Variants in SNAP91 observed in about 807,000 individuals in gnomAD.
SNAP91 encodes the protein synaptosome associated protein 91.
Under a neutral mutation model 100.3 loss-of-function variants are expected in SNAP91, and 27 were observed. The ratio of observed to expected loss-of-function variants is 0.27; its 90% CI spans 0.20 to 0.37. The LOEUF (loss-of-function observed/expected upper bound fraction) is 0.37. Ranked by LOEUF, SNAP91 falls within the 10% of genes least tolerant of loss-of-function variation. The pLI, the probability that SNAP91 is intolerant of heterozygous loss-of-function variation, is 1.00. For synonymous variants in SNAP91, 404 were observed against 398.6 expected (o/e 1.01, Z -0.16); for missense variants, 986 against 1,123.7 (o/e 0.88, Z 1.75).
In SNAP91 at chr6:83,676,110, C is replaced by CA. The variant is rs34754235; in HGVS notation, c.131-10530dup. On this transcript the variant is annotated intron_variant, in intron 2 of 29. Transcript: ENST00000369694. Reference sequence around the variant, plus strand: ...TGGGCAACAGAGCAAGACCCTATCTCAAAAAAAAAAAAAAAGAATGTGACA... The same window carrying CA: ...TGGGCAACAGAGCAAGACCCTATCTCAAAAAAAAAAAAAAAAGAATGTGACA... Among the ~76,000 whole-genome samples, 918 of 134,074 alleles carry CA rather than the reference C, an allele frequency of 6.8e-3. 10 individuals are homozygous for CA. The highest frequency in any genetic ancestry group is 0.018 in the African/African-American group (674 of 37,050). 88.0% of individuals were successfully genotyped at this position (134,074 alleles called of 152,430 possible).
intron 2 of SNAP91, among the ~76,000 whole-genome samples, chr6:83,688,317 TACTGTTTG>T (rs1587646600): frequency 6.6e-6 from 1 of 152,318 alleles, no homozygotes; most frequent in East Asian, 1.9e-4. Context: ...AATGGAACTC[TACTGTTTG>T]AAACTCTGCA....
chr6:83,627,782 C>A (rs904544443), intron 8 of SNAP91, among the ~76,000 whole-genome samples: 5 of 151,752 alleles, frequency 3.3e-5, no homozygotes, highest in Admixed American at 3.3e-4. Flanking sequence ...TCTTGTTTAT[C>A]CTTTCGAAGA....
chr6:83,647,314 T>C (rs2097971468), intron 7 of SNAP91, among the ~76,000 whole-genome samples: 1 of 152,182 alleles, frequency 6.6e-6, no homozygotes, highest in Admixed American at 6.5e-5. Context: ...TTAAATATGA[T>C]GTTAGCTATT....
At chr6:83,622,056 T>G (rs2128405568) in intron 9 of SNAP91, among the ~76,000 whole-genome samples, 1 of 152,246 alleles carries the variant, frequency 6.6e-6, no homozygotes, top group Admixed American at 6.5e-5. Context: ...TTAGTGGCAC[T>G]TTATGCACAC....
Position 83,576,057 on chromosome 6 carries a change from T to G in SNAP91, c.2300-4A>C, listed in dbSNP as rs1818183195. The stretch of plus-strand genomic sequence containing the variant: ...GTGGTACCAGAAATTCCAAGATCTA[T>G]AAATGGATAAAAGAAAAAAGAATGT... On this transcript the variant is annotated splice_region_variant and splice_polypyrimidine_tract_variant and intron_variant, in intron 24 of 29. Coordinates refer to ENST00000369694, the MANE Select transcript of SNAP91 (RefSeq NM_001242792.2). 1 of 1,343,044 alleles carries G rather than the reference T, an allele frequency of 7.4e-7. No homozygotes were observed. The highest frequency in any genetic ancestry group is 1.3e-5 in the South Asian group (1 of 74,252). 83.2% of individuals were successfully genotyped at this position (1,343,044 alleles called of 1,614,324 possible). A position where few individuals can be genotyped will look rare whatever the true frequency, so the allele number is the denominator to read the frequency against.
intron 9 of SNAP91, among the ~76,000 whole-genome samples, chr6:83,619,859 T>G (rs528587089): frequency 1.3e-5 from 2 of 152,216 alleles, no homozygotes; most frequent in South Asian, 4.1e-4. Context: ...ATTTAGATGC[T>G]ATAGCTTATA....
At chr6:83,662,702 T>C (rs781713415) in intron 3 of SNAP91, among the ~76,000 whole-genome samples, 4 of 152,150 alleles carry the variant, frequency 2.6e-5, no homozygotes, top group Non-Finnish European at 5.9e-5. Flanking sequence ...ATTTTATCAG[T>C]ATTTTCCAAA....
At chr6:83,668,256 G>A (rs1419026013) in intron 2 of SNAP91, among the ~76,000 whole-genome samples, 1 of 152,160 alleles carries the variant, frequency 6.6e-6, no homozygotes, top group Non-Finnish European at 1.5e-5. Context: ...TTCAACCATT[G>A]TGGAAGACAG....
At chr6:83,663,416 T>C (rs1033098957) in intron 3 of SNAP91, among the ~76,000 whole-genome samples, 1 of 152,104 alleles carries the variant, frequency 6.6e-6, no homozygotes, top group African/African-American at 2.4e-5. Flanking sequence ...TTGAAGAAAA[T>C]TGAAAGTGCT....
Position 83,659,027 on chromosome 6 carries a change from C to T in SNAP91, c.518G>A (p.Gly173Glu), listed in dbSNP as rs370998561. ...AAATTCAAGCAGTGCATCAATTTGT[C>T]CCTGTAGTATTGGCATACTCTTTAG... ...KLLKSMPILQ[G>E]QIDALLEFDV... The change falls in exon 6 of 30, where the codon GGA (glycine) becomes GAA (glutamate). Residue 173 changes from glycine to glutamate, a missense_variant. Physicochemically the swap from Gly to Glu is moderately conservative, Grantham distance 98. Transcript: ENST00000369694. 23 of 1,608,354 alleles carry T rather than the reference C, an allele frequency of 1.4e-5. No homozygotes were observed. Among genetic ancestry groups the T allele is most frequent in the Non-Finnish European group, 1.8e-5 (21 of 1,177,396 alleles).
chr6:83,669,669 G>C (rs2098748899), intron 2 of SNAP91, among the ~76,000 whole-genome samples: 1 of 151,808 alleles, frequency 6.6e-6, no homozygotes. Context: ...CTGTCCCTTA[G>C]CAACCACCAA....
chr6:83,564,098 A>G (rs572057356), intron 26 of SNAP91, among the ~76,000 whole-genome samples: 2 of 152,276 alleles, frequency 1.3e-5, no homozygotes, highest in African/African-American at 4.8e-5. Flanking sequence ...TGGTTTCAAA[A>G]CTTAATAGAA....
At chr6:83,692,414 T>C (rs1005354288) in intron 2 of SNAP91, among the ~76,000 whole-genome samples, 20 of 151,528 alleles carry the variant, frequency 1.3e-4, no homozygotes, top group Non-Finnish European at 7.4e-5. Flanking sequence ...ACTCAGGAGG[T>C]TGAGGCAGAA....
intron 2 of SNAP91, among the ~76,000 whole-genome samples, chr6:83,672,761 A>G (rs990485077): frequency 2.6e-5 from 4 of 152,208 alleles, no homozygotes; most frequent in Admixed American, 2.0e-4. Context: ...CTTACTAGAC[A>G]TAAGTGAATC....
chr6:83,558,985 G>A (rs1014054794), intron 28 of SNAP91, among the ~76,000 whole-genome samples: 4 of 152,170 alleles, frequency 2.6e-5, no homozygotes, highest in African/African-American at 4.8e-5. Flanking sequence ...CATTTTTGAA[G>A]GGTAAGTAGC....
chr6:83,602,324 C>T (rs529818197), intron 14 of SNAP91, among the ~76,000 whole-genome samples: 2 of 151,920 alleles, frequency 1.3e-5, no homozygotes, highest in Non-Finnish European at 2.9e-5. Context: ...CAATGTGTCC[C>T]CTGAAATAAA....
Position 83,690,402 on chromosome 6 carries a change from A to G in SNAP91, c.130+17396T>C, listed in dbSNP as rs941532144. Reference sequence around the variant, plus strand: ...CTGGAACATACTTTCAGATCTCAAAATTAGGAAGCACTTGTTGAAAGAAGG... The same window carrying G: ...CTGGAACATACTTTCAGATCTCAAAGTTAGGAAGCACTTGTTGAAAGAAGG... On this transcript the variant is annotated intron_variant, in intron 2 of 29. Coordinates refer to ENST00000369694, the MANE Select transcript of SNAP91 (RefSeq NM_001242792.2). The G allele has an allele frequency of 5.0e-5, 64 of 1,288,782 alleles. 1 individual carries two copies. In the Admixed American group the frequency reaches 1.2e-3, roughly 24 times the overall value. The allele number at this position is 1,288,782 out of a possible 1,614,324, so 79.8% of individuals were successfully genotyped here. A position where few individuals can be genotyped will look rare whatever the true frequency, so the allele number is the denominator to read the frequency against.
In SNAP91 at chr6:83,708,915, G is replaced by A. The variant is rs2099417125; in HGVS notation, c.-101C>T. Reference sequence around the variant, plus strand: ...GGCCGCCGAGGGAAGCCGCGCCGGTGGATGTGTGCGACCGCGCGTAGCCCC... The same window carrying A: ...GGCCGCCGAGGGAAGCCGCGCCGGTAGATGTGTGCGACCGCGCGTAGCCCC... On this transcript the variant is annotated 5_prime_UTR_variant, in exon 1 of 30. Coordinates refer to ENST00000369694, the MANE Select transcript of SNAP91 (RefSeq NM_001242792.2). 1 of 151,940 alleles carries A rather than the reference G, an allele frequency of 6.6e-6. No individual in the cohort carries two copies. 9.4% of individuals were successfully genotyped at this position (151,940 alleles called of 1,614,324 possible).
At chr6:83,656,728 A>G (rs769457259) in intron 7 of SNAP91, 26 bp downstream of exon 7, 1 of 1,081,180 alleles carries the variant, frequency 9.2e-7, no homozygotes, top group Non-Finnish European at 1.4e-6. Context: ...CCATCAGCCC[A>G]GACATGTTTC....
Sources: allele counts gnomAD v4.1 joint callset (sites outside exome capture counted in the v4.1 genomes callset), GRCh38; gene constraint gnomAD v4.1.1; transcripts MANE v1.5; gene names NCBI Gene and HGNC (gene_info 2026-07-23, HGNC 2026-07-21).